The following TGDS variants were observed in gnomAD, a reference collection of about 807,000 sequenced individuals.
TGDS encodes the protein UDP-D-glucose 4,6-dehydratase.
A neutral mutation model predicts 52.3 loss-of-function variants in TGDS; 47 were observed. That is an observed-to-expected ratio of 0.90 (90% CI 0.71 to 1.15). TGDS has a LOEUF of 1.15. Ranked by LOEUF, TGDS falls within the 50% of genes most tolerant of loss-of-function variation. TGDS has a pLI of 0.00. For missense variants in TGDS, 375 were observed against 418.4 expected (o/e 0.90, Z 0.90); for synonymous variants, 115 against 136.9 (o/e 0.84, Z 1.12).
In TGDS at chr13:94,589,539, T is replaced by C. The variant is rs372479163; in HGVS notation, c.313+1314A>G. 7.2e-5 allele frequency among the ~76,000 whole-genome samples: 11 copies of C among 151,972 alleles called. No individual in the cohort carries two copies. In the East Asian group the frequency reaches 1.2e-3, roughly 16 times the overall value. ...CCGTGTTAGCCAGGATGGTCTCGATTTCCTGACCTCGTGATCCACCCGCCT... is the reference window on the plus strand; with the variant it reads ...CCGTGTTAGCCAGGATGGTCTCGATCTCCTGACCTCGTGATCCACCCGCCT... On this transcript the variant is annotated intron_variant, in intron 4 of 11. Coordinates refer to ENST00000261296, the MANE Select transcript of TGDS (RefSeq NM_014305.4).
In TGDS at chr13:94,590,892, T is replaced by C; in HGVS notation, c.274A>G (p.Ile92Val). The part of the protein sequence containing the change: ...FVKLLFETEK[I>V]DIVLHFAAQT... ...GCGGCAAAATGTAGTACTATATCTATTTTCTCTGTTTCAAAAAGCAGTTTC... is the reference window on the plus strand; with the variant it reads ...GCGGCAAAATGTAGTACTATATCTACTTTCTCTGTTTCAAAAAGCAGTTTC... Residue 92 changes from isoleucine (I) to valine (V), a missense_variant, in exon 4 of 12, where the codon ATA (isoleucine) becomes GTA (valine). Physicochemically the swap from Ile to Val is conservative, Grantham distance 29. Coordinates refer to ENST00000261296, the MANE Select transcript of TGDS (RefSeq NM_014305.4). The C allele has an allele frequency of 6.3e-7, 1 of 1,576,820 alleles. No homozygotes were observed. Among genetic ancestry groups the C allele is most frequent in the South Asian group, 1.2e-5 (1 of 83,312 alleles).
chr13:94,583,351 T>C lies in TGDS; in HGVS notation c.314-115A>G. 4 of 1,057,870 alleles carry C rather than the reference T, an allele frequency of 3.8e-6. No individual in the cohort carries two copies. In the South Asian group the frequency reaches 6.0e-5, roughly 16 times the overall value. The allele number at this position is 1,057,870 out of a possible 1,614,324, so 65.5% of individuals were successfully genotyped here. On this transcript the variant is annotated intron_variant, in intron 4 of 11. Transcript: ENST00000261296. The stretch of plus-strand genomic sequence containing the variant: ...GTCACTGTTCTTCATTTACCACAGC[T>C]GCAAGAGTTATAATAATAACATACA...
chr13:94,576,130 T>C (rs1402494324), intron 11 of TGDS, among the ~76,000 whole-genome samples, 184 bp downstream of exon 11: 1 of 152,194 alleles, frequency 6.6e-6, no homozygotes, highest in Non-Finnish European at 1.5e-5. Context: ...CAGAGGTTGG[T>C]TTATAAAATT....
intron 4 of TGDS, among the ~76,000 whole-genome samples, chr13:94,590,161 A>G (rs1889147443): frequency 2.7e-5 from 4 of 148,146 alleles, no homozygotes; most frequent in African/African-American, 9.8e-5. Flanking sequence ...AAAACTCTAC[A>G]TATCATTATA....
rs189838148 is a variant in TGDS, at chr13:94,583,203, T to C, written c.347A>G (p.Tyr116Cys). ...LSFVRAFEFT[Y>C]VNVYGTHVLV... The stretch of plus-strand genomic sequence containing the variant: ...AACGTGAGTGCCATAAACATTAACA[T>C]AGGTAAACTCAAAGGCACGTACGAA... The change falls in exon 5 of 12, where the codon TAT becomes TGT. Residue 116 changes from tyrosine to cysteine, a missense_variant. Coordinates refer to ENST00000261296, the MANE Select transcript of TGDS (RefSeq NM_014305.4). The C allele has an allele frequency of 2.2e-5, 36 of 1,613,866 alleles. No individual in the cohort carries two copies. The African/African-American group carries it at 2.7e-4, about 12-fold the overall frequency.
At chr13:94,594,034 A>G (rs1187313642) in intron 1 of TGDS, 127 bp from the exon 2 acceptor site, 2 of 587,306 alleles carry the variant, frequency 3.4e-6, no homozygotes, top group Non-Finnish European at 6.0e-6. Flanking sequence ...AAGATAACAG[A>G]AAACATAACT....
At chr13:94,595,961 T>G in intron 1 of TGDS, 90 bp downstream of exon 1, 1 of 1,496,444 alleles carries the variant, frequency 6.7e-7, no homozygotes, top group East Asian at 2.3e-5. Flanking sequence ...CCCTCAAAGC[T>G]GGACCCAAAT....
intron 1 of TGDS, among the ~76,000 whole-genome samples, chr13:94,595,434 A>G (rs959675237): frequency 2.6e-5 from 4 of 152,204 alleles, no homozygotes; most frequent in Non-Finnish European, 5.9e-5. Context: ...GCTTTAAAGG[A>G]ACATGAGTGG....
chr13:94,580,141 C>T (rs1317907651), intron 6 of TGDS, among the ~76,000 whole-genome samples, 188 bp from the exon 7 acceptor site: 1 of 152,120 alleles, frequency 6.6e-6, no homozygotes, highest in Non-Finnish European at 1.5e-5. Flanking sequence ...CAGATAAAGG[C>T]AGAGGTTCCA....
In TGDS at chr13:94,574,806, C is replaced by T; in HGVS notation, c.1029G>A (p.Lys343=). 2 of 1,607,584 alleles carry T rather than the reference C, an allele frequency of 1.2e-6. No individual in the cohort carries two copies. Among genetic ancestry groups the T allele is most frequent in the South Asian group, 1.1e-5 (1 of 90,770 alleles). ...ENFHNWKNVE[K]ALEPFPV ...ATTATACCGGAAAGGGTTCTAATGC[C>T]TTTTCCACATTCTTCCAGTTGTGAA... is the stretch of plus-strand genomic sequence containing the variant. Residue 343 remains lysine, a synonymous_variant, in exon 12 of 12, where the codon AAG becomes AAA. Coordinates refer to ENST00000261296, the MANE Select transcript of TGDS (RefSeq NM_014305.4).
In TGDS at chr13:94,579,905, A is replaced by G; in HGVS notation, c.604T>C (p.Tyr202His). 1.3e-6 allele frequency: 2 copies of G among 1,595,836 alleles called. No homozygotes were observed. The highest frequency in any genetic ancestry group is 1.7e-6 in the Non-Finnish European group (2 of 1,167,166). ...RSSNVYGPHQ[Y>H]PEKVIPKFIS... is the part of the protein sequence containing the mutation. The stretch of plus-strand genomic sequence containing the variant: ...GAAGTAAAATTTACCTTTTCTGGAT[A>G]TTGATGTGGTCCATAAACATTACTG... Residue 202 changes from tyrosine (Y) to histidine (H), a missense_variant, in exon 7 of 12, where the codon TAT becomes CAT. Coordinates refer to ENST00000261296, the MANE Select transcript of TGDS (RefSeq NM_014305.4).
At position 94,595,831 on chromosome 13, in the gene TGDS, C is replaced by G. The variant is rs533670504; in HGVS notation, c.86+220G>C. ...GGCCACAGAAGGGCGGAGAGTAACG[C>G]AGCTTTGGAAGAGGCGTTTTAAAGA... On this transcript the variant is annotated intron_variant, in intron 1 of 11. Coordinates refer to ENST00000261296, the MANE Select transcript of TGDS (RefSeq NM_014305.4). The G allele has an allele frequency of 1.5e-5, 9 of 602,706 alleles. No individual in the cohort carries two copies. In the South Asian group the frequency reaches 1.6e-4, roughly 11 times the overall value. The allele number at this position is 602,706 out of a possible 1,614,324, so 37.3% of individuals were successfully genotyped here. A position where few individuals can be genotyped will look rare whatever the true frequency, so the allele number is the denominator to read the frequency against.
intron 11 of TGDS, 96 bp downstream of exon 11, chr13:94,576,218 A>G: frequency 2.7e-6 from 2 of 750,486 alleles, no homozygotes; most frequent in Non-Finnish European, 4.0e-6. Flanking sequence ...ATGATTCAAC[A>G]CAATATTCCA....
At chr13:94,585,577 C>A (rs1342293481) in intron 4 of TGDS, among the ~76,000 whole-genome samples, 1 of 151,850 alleles carries the variant, frequency 6.6e-6, no homozygotes, top group Non-Finnish European at 1.5e-5. Context: ...GTGGGTGGAT[C>A]ACCTGAGGTC....
rs568242206 is a variant in TGDS at position 94,580,298 on chromosome 13, C to G, written c.556-345G>C. 3.9e-5 allele frequency among the ~76,000 whole-genome samples: 6 copies of G among 152,304 alleles called. No individual in the cohort carries two copies. In the East Asian group the frequency reaches 7.7e-4, roughly 20 times the overall value. On this transcript the variant is annotated intron_variant, in intron 6 of 11. Coordinates refer to ENST00000261296, the MANE Select transcript of TGDS (RefSeq NM_014305.4). ...CCTCAAGGACTCTTAAGTTGGCTCT[C>G]TTCATTGTACCAATCCCTACAAATA...
At chr13:94,579,064 C>G (rs994160073) in intron 7 of TGDS, among the ~76,000 whole-genome samples, 1 of 152,148 alleles carries the variant, frequency 6.6e-6, no homozygotes, top group Non-Finnish European at 1.5e-5. Flanking sequence ...TGTGTGCTGA[C>G]TTCATAAGGG....
Position 94,591,631 on chromosome 13 carries a change from A to G in TGDS, c.222+610T>C, listed in dbSNP as rs150042950. On this transcript the variant is annotated intron_variant, in intron 3 of 11. Transcript: ENST00000261296. ...TAACAACTGGAATGATATTTTGAAA[A>G]CACATTTTATCACAATTAAGTAAAA... Among the ~76,000 whole-genome samples the G allele has an allele frequency of 1.8e-3, 280 of 152,270 alleles. 1 individual carries two copies. Among genetic ancestry groups the G allele is most frequent in the African/African-American group, 5.9e-3 (245 of 41,554 alleles).
chr13:94,593,381 C>A lies in TGDS; in HGVS notation c.153+460G>T, dbSNP rs1456224002. 2.6e-5 allele frequency among the ~76,000 whole-genome samples: 4 copies of A among 152,090 alleles called. No homozygotes were observed. In the South Asian group the frequency reaches 6.2e-4, roughly 24 times the overall value. ...CAAAGCTTCATAAGAGTTAAGGGTT[C>A]TTCTTATGATGGATGTCCCAATTAC... On this transcript the variant is annotated intron_variant, in intron 2 of 11. Coordinates refer to ENST00000261296, the MANE Select transcript of TGDS (RefSeq NM_014305.4).
In TGDS at chr13:94,574,539, C is replaced by T. The variant is rs1299241201; in HGVS notation, c.*243G>A. 2.3e-6 allele frequency: 1 copy of T among 436,822 alleles called. No individual in the cohort carries two copies. Among genetic ancestry groups the T allele is most frequent in the African/African-American group, 2.0e-5 (1 of 48,810 alleles). 27.1% of individuals were successfully genotyped at this position (436,822 alleles called of 1,614,324 possible). ...GGCTACCCTTAGGGAGAGTCTTCTA[C>T]ACCTATTATTTCCTAGTTTCTAGGA... On this transcript the variant is annotated 3_prime_UTR_variant, in exon 12 of 12. Coordinates refer to ENST00000261296, the MANE Select transcript of TGDS (RefSeq NM_014305.4).
Sources: gnomAD v4.1 joint callset for allele counts (sites outside exome capture counted in the v4.1 genomes callset) on GRCh38, gnomAD v4.1.1 for gene constraint, MANE v1.5 for transcripts, NCBI Gene and HGNC (gene_info 2026-07-23, HGNC 2026-07-21) for gene names.